DPP10: variants seen among roughly 807,000 people sequenced by gnomAD.
The protein encoded by DPP10 is inactive dipeptidyl peptidase 10.
A neutral mutation model predicts 120.9 loss-of-function variants in DPP10; 33 were observed. That is an observed-to-expected ratio of 0.27 (90% CI 0.21 to 0.37). The LOEUF is 0.37. Ranked by LOEUF, DPP10 falls within the 10% of genes least tolerant of loss-of-function variation. DPP10 has a pLI of 1.00. For synonymous variants in DPP10, 337 were observed against 326.1 expected (o/e 1.03, Z -0.36); for missense variants, 816 against 942.8 (o/e 0.87, Z 1.76).
chr2:115,437,791 T>C (rs1397609770), intron 3 of DPP10, among the ~76,000 whole-genome samples: 1 of 152,098 alleles, frequency 6.6e-6, no homozygotes, highest in Non-Finnish European at 1.5e-5. Context: ...GATAAATGAC[T>C]ACCTTGGTGG....
chr2:115,450,815 ATC>A (rs910281749), intron 3 of DPP10, among the ~76,000 whole-genome samples: 23 of 152,002 alleles, frequency 1.5e-4, no homozygotes, highest in Admixed American at 1.4e-3. Flanking sequence ...ATCTACATAT[ATC>A]TCTCTCTTTC....
At chr2:114,986,342 G>A (rs535357263) in intron 1 of DPP10, among the ~76,000 whole-genome samples, 2 of 152,260 alleles carry the variant, frequency 1.3e-5, no homozygotes, top group African/African-American at 4.8e-5. Context: ...GCTGGGTTTT[G>A]AGCATATCTT....
intron 1 of DPP10, among the ~76,000 whole-genome samples, chr2:115,101,512 A>G (rs1287826574): frequency 6.6e-6 from 1 of 152,118 alleles, no homozygotes; most frequent in Non-Finnish European, 1.5e-5. Flanking sequence ...TATCTTTTGG[A>G]TCATACGGCC....
chr2:114,847,276 G>C (rs1688617740), intron 1 of DPP10, among the ~76,000 whole-genome samples: 1 of 151,958 alleles, frequency 6.6e-6, no homozygotes, highest in South Asian at 2.1e-4. Flanking sequence ...CTACCTCCCT[G>C]TTCCTCAGCC....
At position 115,782,358 on chromosome 2, in the gene DPP10, G is replaced by A. The variant is rs754348612; in HGVS notation, c.1490G>A (p.Arg497Lys). 2 of 1,611,468 alleles carry A rather than the reference G, an allele frequency of 1.2e-6. No individual in the cohort carries two copies. Among genetic ancestry groups the A allele is most frequent in the Middle Eastern group, 3.3e-4 (2 of 6,054 alleles). Residue 497 changes from arginine to lysine, a missense_variant, in exon 17 of 26, where the codon AGG becomes AAG. Arg to Lys is a conservative substitution (Grantham distance 26). Around this residue, in one of 3 missense-constraint regions of DPP10, gnomAD observed 592 missense variants for 649.0 expected, o/e 0.91. Coordinates refer to ENST00000410059, the MANE Select transcript of DPP10 (RefSeq NM_020868.6). The part of the protein sequence containing the change: ...QHFLLFCEGP[R>K]VPVVSLHSTD... ...ACATATTTTTAAATTCCAGGTCCAA[G>A]GGTCCCAGTGGTCAGCCTACATAGT...
rs545867132 is a variant in DPP10, at chr2:115,690,796, C to G, written c.576+875C>G. On this transcript the variant is annotated intron_variant, in intron 7 of 25. Coordinates refer to ENST00000410059, the MANE Select transcript of DPP10 (RefSeq NM_020868.6). The stretch of plus-strand genomic sequence containing the variant: ...GAATATTGCTCAGGGAGTAGTATTG[C>G]TTACTATCCTGTGCATGCTCAGATG... Among the ~76,000 whole-genome samples the G allele has an allele frequency of 1.7e-4, 26 of 152,240 alleles. 1 individual carries two copies. Among genetic ancestry groups the G allele is most frequent in the Admixed American group, 1.2e-3 (19 of 15,294 alleles).
chr2:114,910,662 A>G (rs1185821809), intron 1 of DPP10, among the ~76,000 whole-genome samples: 2 of 152,138 alleles, frequency 1.3e-5, no homozygotes. Context: ...AGCTATTCAC[A>G]TATGTAATTC....
rs1160185507 is a variant in DPP10, at chr2:114,916,770, T to A, written c.61-392469T>A. 2.0e-5 allele frequency among the ~76,000 whole-genome samples: 3 copies of A among 152,076 alleles called. No individual in the cohort carries two copies. In the East Asian group the frequency reaches 5.8e-4, roughly 29 times the overall value. On this transcript the variant is annotated intron_variant, in intron 1 of 25. Coordinates refer to ENST00000410059, the MANE Select transcript of DPP10 (RefSeq NM_020868.6). ...AAAGGCTTTTGATTAACATTCCACA[T>A]CCCTTCATGATAAAAACCTTCAACA... is the stretch of plus-strand genomic sequence containing the variant.
rs757511375 is a variant in DPP10, at chr2:115,814,993, T to A, written c.1895+6T>A. On this transcript the variant is annotated splice_donor_region_variant and intron_variant, in intron 20 of 25. Coordinates refer to ENST00000410059, the MANE Select transcript of DPP10 (RefSeq NM_020868.6). ...GACCAAATAACAGCTGTGAAGTAAG[T>A]GGATGCACATTTTTCTTCTCTGTTT... 6.3e-7 allele frequency: 1 copy of A among 1,580,964 alleles called. No individual in the cohort carries two copies. The highest frequency in any genetic ancestry group is 1.1e-5 in the South Asian group (1 of 87,300).
intron 1 of DPP10, among the ~76,000 whole-genome samples, chr2:114,749,255 G>GT (rs1465229547): frequency 6.6e-6 from 1 of 150,950 alleles, no homozygotes; most frequent in Non-Finnish European, 1.5e-5. Context: ...GGGGTTGTTT[G>GT]TTTTTTTCTT....
chr2:115,708,705 A>G (rs977396110), intron 7 of DPP10, among the ~76,000 whole-genome samples: 11 of 152,066 alleles, frequency 7.2e-5, no homozygotes, highest in African/African-American at 2.7e-4. Flanking sequence ...CTGAAAGCAT[A>G]ATGACATTTG....
chr2:115,272,575 A>T (rs905907243), intron 1 of DPP10, among the ~76,000 whole-genome samples: 2 of 152,258 alleles, frequency 1.3e-5, no homozygotes. Context: ...TAAATCACAT[A>T]AAGTTCTTCA....
intron 2 of DPP10, among the ~76,000 whole-genome samples, chr2:115,339,432 G>A (rs1474268504): frequency 6.6e-6 from 1 of 152,090 alleles, no homozygotes; most frequent in Middle Eastern, 3.2e-3. Context: ...GTTTACATTT[G>A]ACCCAGCAAC....
chr2:115,532,034 A>C (rs938174854), intron 5 of DPP10, among the ~76,000 whole-genome samples: 2 of 152,126 alleles, frequency 1.3e-5, no homozygotes, highest in African/African-American at 4.8e-5. Flanking sequence ...ACTGTTGATT[A>C]GATTGTAATA....
intron 1 of DPP10, among the ~76,000 whole-genome samples, chr2:115,020,854 A>C (rs1329480470): frequency 3.3e-5 from 5 of 152,082 alleles, no homozygotes; most frequent in Non-Finnish European, 7.4e-5. Context: ...TTGGAAATCA[A>C]CTCCAGAAGA....
At chr2:114,568,030 A>AAG (rs1207557831) in intron 1 of DPP10, among the ~76,000 whole-genome samples, 3 of 148,634 alleles carry the variant, frequency 2.0e-5, no homozygotes, top group South Asian at 2.2e-4. Flanking sequence ...ATTAAAAAAA[A>AAG]AGAGAGAGAG....
intron 1 of DPP10, among the ~76,000 whole-genome samples, chr2:114,690,861 C>G (rs181697582): frequency 1.2e-3 from 177 of 152,076 alleles, no homozygotes; most frequent in Non-Finnish European, 2.0e-3. Flanking sequence ...TGATTTGGCT[C>G]TCTGCTTGCC....
chr2:115,155,489 G>A (rs1323781575), intron 1 of DPP10, among the ~76,000 whole-genome samples: 2 of 152,166 alleles, frequency 1.3e-5, no homozygotes, highest in Non-Finnish European at 2.9e-5. Context: ...TCTTATAAGT[G>A]TTGCTCAGTA....
intron 1 of DPP10, among the ~76,000 whole-genome samples, chr2:114,800,131 T>C (rs973496889): frequency 6.6e-6 from 1 of 152,194 alleles, no homozygotes; most frequent in Non-Finnish European, 1.5e-5. Context: ...ACATGGTATG[T>C]GGCTATACAC....
Sources: gnomAD v4.1 joint callset for allele counts (sites outside exome capture counted in the v4.1 genomes callset) on GRCh38, gnomAD v4.1.1 for gene constraint, gnomAD v4.1.1 regional missense constraint, MANE v1.5 for transcripts, NCBI Gene and HGNC (gene_info 2026-07-23, HGNC 2026-07-21) for gene names.